Variants in GGH observed in about 807,000 individuals in gnomAD.
GGH encodes gamma-Glu-X carboxypeptidase.
GGH carries 18 observed loss-of-function variants against 39.2 expected under a neutral mutation model. That is an observed-to-expected ratio of 0.46 (90% CI 0.32 to 0.68). GGH has a LOEUF of 0.68. Ranked by LOEUF, GGH falls within the 30% of genes least tolerant of loss-of-function variation. GGH has a pLI of 0.04. For missense variants in GGH, 367 were observed against 384.1 expected, an observed-to-expected ratio of 0.96 and a Z score of 0.37; for synonymous variants, 147 against 138.8, an observed-to-expected ratio of 1.06 and a Z score of -0.42.
Position 63,015,099 on chromosome 8 carries a change from T to G in GGH, c.*233A>C. ...AAATATTTGTATTTCAGTAAATTTA[T>G]TTTTTTCAATCTTCAGATATAAGAA... On this transcript the variant is annotated 3_prime_UTR_variant, in exon 9 of 9. Coordinates refer to ENST00000260118, the MANE Select transcript of GGH (RefSeq NM_003878.3). 3.4e-6 allele frequency: 1 copy of G among 293,126 alleles called. No individual in the cohort carries two copies. The highest frequency in any genetic ancestry group is 6.2e-6 in the Non-Finnish European group (1 of 160,678). The allele number at this position is 293,126 out of a possible 1,614,324, so 18.2% of individuals were successfully genotyped here.
intron 2 of GGH, among the ~76,000 whole-genome samples, chr8:63,031,229 AAAC>A (rs1321411522): frequency 6.6e-6 from 1 of 152,198 alleles, no homozygotes; most frequent in East Asian, 1.9e-4. Context: ...TTTTGCCAGC[AAAC>A]AACTCTGGGA....
intron 2 of GGH, among the ~76,000 whole-genome samples, chr8:63,033,444 T>TCTCC (rs1470680658): frequency 6.6e-6 from 1 of 152,244 alleles, no homozygotes; most frequent in African/African-American, 2.4e-5. Flanking sequence ...ACAGGTTTGT[T>TCTCC]ACCTATTTCT....
intron 7 of GGH, chr8:63,023,634 T>C (rs963336427): frequency 1.0e-4 from 23 of 224,974 alleles, no homozygotes; most frequent in African/African-American, 4.3e-4. Flanking sequence ...ATCTGCAATA[T>C]TGCTAGAAAC....
At chr8:63,018,494 T>C (rs938418802) in intron 7 of GGH, among the ~76,000 whole-genome samples, 1 of 152,204 alleles carries the variant, frequency 6.6e-6, no homozygotes, top group African/African-American at 2.4e-5. Flanking sequence ...AAGAGCACTG[T>C]CTGTTCTCAT....
In GGH at chr8:63,027,157, TAATAAGC is replaced by T; in HGVS notation, c.360+17_360+23del. 1 of 1,055,554 alleles carries T rather than the reference TAATAAGC, an allele frequency of 9.5e-7. No homozygotes were observed. The highest frequency in any genetic ancestry group is 1.3e-5 in the South Asian group (1 of 79,386). The allele number at this position is 1,055,554 out of a possible 1,614,324, so 65.4% of individuals were successfully genotyped here. ...AAAACTTACAGAAACCCATCTGGAA[TAATAAGC>T]AATAACTGATATTTACCTGTATGGA... is the stretch of plus-strand genomic sequence containing the variant. On this transcript the variant is annotated intron_variant, in intron 4 of 8. Transcript: ENST00000260118.
Position 63,015,437 on chromosome 8 carries a change from A to G in GGH, c.852T>C (p.His284=). Residue 284 remains histidine (H), a synonymous_variant, in exon 9 of 9, where the codon CAT becomes CAC. Transcript: ENST00000260118. ...FFVNEARKNN[H]HFKSESEEEK... is the part of the protein sequence containing the mutation. ...CCTCTTCAGATTCAGATTTAAAATGATGGTTGTTTTTCCGAGCTGCAAGAA... is the reference window on the plus strand; with the variant it reads ...CCTCTTCAGATTCAGATTTAAAATGGTGGTTGTTTTTCCGAGCTGCAAGAA... 1 of 1,543,056 alleles carries G rather than the reference A, an allele frequency of 6.5e-7. No individual in the cohort carries two copies. The highest frequency in any genetic ancestry group is 8.8e-7 in the Non-Finnish European group (1 of 1,132,562).
At chr8:63,018,612 T>C (rs1369106064) in intron 7 of GGH, among the ~76,000 whole-genome samples, 3 of 152,196 alleles carry the variant, frequency 2.0e-5, no homozygotes, top group Admixed American at 6.5e-5. Context: ...CTCCAGGCAC[T>C]CAGCTCCCTG....
intron 2 of GGH, among the ~76,000 whole-genome samples, chr8:63,033,284 G>A (rs1804839322): frequency 6.6e-6 from 1 of 152,164 alleles, no homozygotes; most frequent in African/African-American, 2.4e-5. Flanking sequence ...TCTTGGAATT[G>A]TACTGTCTTC....
Position 63,015,163 on chromosome 8 carries a change from T to C in GGH, c.*169A>G. The C allele has an allele frequency of 2.5e-6, 1 of 397,606 alleles. No homozygotes were observed. The highest frequency in any genetic ancestry group is 4.4e-6 in the Non-Finnish European group (1 of 225,746). 24.6% of individuals were successfully genotyped at this position (397,606 alleles called of 1,614,324 possible). A position where few individuals can be genotyped will look rare whatever the true frequency, so the allele number is the denominator to read the frequency against. On this transcript the variant is annotated 3_prime_UTR_variant, in exon 9 of 9. Coordinates refer to ENST00000260118, the MANE Select transcript of GGH (RefSeq NM_003878.3). Reference sequence around the variant, plus strand: ...AAAACACTCTATTTATGTCTCACTATTTAATTATCTAATGTTATATAAATA... The same window carrying C: ...AAAACACTCTATTTATGTCTCACTACTTAATTATCTAATGTTATATAAATA...
chr8:63,028,852 C>T, intron 3 of GGH, among the ~76,000 whole-genome samples: 1 of 152,142 alleles, frequency 6.6e-6, no homozygotes, highest in Non-Finnish European at 1.5e-5. Flanking sequence ...AACAGGAATG[C>T]AACTGGGGAG....
At chr8:63,035,057 C>T (rs552780886) in intron 2 of GGH, among the ~76,000 whole-genome samples, 55 of 151,508 alleles carry the variant, frequency 3.6e-4, no homozygotes, top group Non-Finnish European at 1.5e-4. Context: ...GATTATTTTA[C>T]TCCATTACCT....
At chr8:63,033,734 G>A (rs1245307712) in intron 2 of GGH, among the ~76,000 whole-genome samples, 1 of 151,996 alleles carries the variant, frequency 6.6e-6, no homozygotes, top group Non-Finnish European at 1.5e-5. Context: ...CACCCAGGTA[G>A]TGAGCACAGT....
At chr8:63,026,871 T>C (rs1804694711) in intron 4 of GGH, 3 of 289,110 alleles carry the variant, frequency 1.0e-5, no homozygotes, top group Non-Finnish European at 6.3e-6. Context: ...ATAGAAACAA[T>C]GCCCATAAAA....
chr8:63,033,409 T>G (rs141634702), intron 2 of GGH, among the ~76,000 whole-genome samples: 2 of 152,224 alleles, frequency 1.3e-5, no homozygotes, highest in Non-Finnish European at 2.9e-5. Flanking sequence ...GGCTCTTGAT[T>G]ACCATTTCAA....
chr8:63,029,073 A>G (rs1368519909), intron 3 of GGH, among the ~76,000 whole-genome samples: 1 of 152,234 alleles, frequency 6.6e-6, no homozygotes, highest in Non-Finnish European at 1.5e-5. Context: ...TTCTAAACAT[A>G]GCTTTTTAAA....
intron 3 of GGH, 63 bp downstream of exon 3, chr8:63,030,104 T>C (rs1804775766): frequency 2.7e-6 from 2 of 732,838 alleles, no homozygotes; most frequent in East Asian, 5.0e-5. Flanking sequence ...TATGATTTCT[T>C]TTACAAAAGC....
intron 8 of GGH, 150 bp downstream of exon 8, chr8:63,017,343 C>T: frequency 1.9e-6 from 1 of 532,940 alleles, no homozygotes; most frequent in Non-Finnish European, 3.3e-6. Flanking sequence ...TTAGGGCTTT[C>T]ACATTATTTA....
At chr8:63,029,264 G>A (rs1198369344) in intron 3 of GGH, among the ~76,000 whole-genome samples, 3 of 152,058 alleles carry the variant, frequency 2.0e-5, no homozygotes, top group South Asian at 2.1e-4. Flanking sequence ...AAAAGCAAAC[G>A]GGGTGTATGC....
chr8:63,023,205 C>T (rs1348341986), intron 7 of GGH, among the ~76,000 whole-genome samples: 2 of 152,172 alleles, frequency 1.3e-5, no homozygotes, highest in African/African-American at 4.8e-5. Context: ...TAAGATTTGT[C>T]CAACTTCCCA....
Sources: gnomAD v4.1 joint callset for allele counts (sites outside exome capture counted in the v4.1 genomes callset) on GRCh38, gnomAD v4.1.1 for gene constraint, MANE v1.5 for transcripts, NCBI Gene and HGNC (gene_info 2026-07-23, HGNC 2026-07-21) for gene names.